Variants in CSRNP3 observed in about 807,000 individuals in gnomAD.
CSRNP3 encodes cysteine/serine-rich nuclear protein 3.
In CSRNP3, 12 loss-of-function variants were observed where a neutral mutation model predicts 48.0. The ratio of observed to expected loss-of-function variants is 0.25; its 90% CI spans 0.16 to 0.41. The LOEUF is 0.41. Ranked by LOEUF, CSRNP3 falls within the 10% of genes least tolerant of loss-of-function variation. The pLI, the probability that CSRNP3 is intolerant of heterozygous loss-of-function variation, is 1.00. For missense variants in CSRNP3, 580 were observed against 724.4 expected (o/e 0.80, Z 2.29); for synonymous variants, 263 against 269.7 (o/e 0.98, Z 0.24).
chr2:165,660,518 C>G (rs1481325328), intron 5 of CSRNP3, among the ~76,000 whole-genome samples: 1 of 152,100 alleles, frequency 6.6e-6, no homozygotes, highest in Non-Finnish European at 1.5e-5. Context: ...AGCTGGAGGA[C>G]TGACACGCTG....
chr2:165,621,034 G>A (rs1017619134), intron 4 of CSRNP3, among the ~76,000 whole-genome samples: 1 of 151,902 alleles, frequency 6.6e-6, no homozygotes, highest in Non-Finnish European at 1.5e-5. Flanking sequence ...CATCATATAG[G>A]TAACCTGGCC....
intron 5 of CSRNP3, among the ~76,000 whole-genome samples, chr2:165,668,435 G>A (rs920330772): frequency 4.2e-5 from 5 of 120,264 alleles, no homozygotes; most frequent in East Asian, 2.5e-4. Context: ...ACAGAGTCTC[G>A]CTGTCACCCA....
intron 3 of CSRNP3, among the ~76,000 whole-genome samples, chr2:165,559,490 A>T (rs1221439188): frequency 6.6e-6 from 1 of 152,170 alleles, no homozygotes; most frequent in African/African-American, 2.4e-5. Context: ...GATAAATGCT[A>T]GGAAACTGAT....
At chr2:165,670,820 A>G (rs556149927) in intron 5 of CSRNP3, among the ~76,000 whole-genome samples, 291 of 147,632 alleles carry the variant, frequency 2.0e-3, no homozygotes, top group African/African-American at 6.6e-3. Flanking sequence ...TTTAAGAGTC[A>G]AGGCTATTTG....
At chr2:165,585,942 C>G (rs1685619957) in intron 3 of CSRNP3, among the ~76,000 whole-genome samples, 2 of 152,118 alleles carry the variant, frequency 1.3e-5, no homozygotes, top group Admixed American at 1.3e-4. Flanking sequence ...TCCTATTGTT[C>G]CTGATAGAAT....
Position 165,525,674 on chromosome 2 carries a change from C to T in CSRNP3, c.-24+7713C>T, listed in dbSNP as rs573102607. Among the ~76,000 whole-genome samples, 25 of 151,270 alleles carry T rather than the reference C, an allele frequency of 1.7e-4. 1 individual carries two copies. The South Asian group carries it at 4.2e-3, about 25-fold the overall frequency. Reference sequence around the variant, plus strand: ...CTAATTTTTGTATTTTTAGTAGAGACGGGGTTTCATCATCTCGGCAAGGCT... The same window carrying T: ...CTAATTTTTGTATTTTTAGTAGAGATGGGGTTTCATCATCTCGGCAAGGCT... On this transcript the variant is annotated intron_variant, in intron 3 of 6. Coordinates refer to ENST00000651982, the MANE Select transcript of CSRNP3 (RefSeq NM_001172173.2).
chr2:165,518,111 A>G (rs948540662), intron 3 of CSRNP3, 150 bp downstream of exon 3: 1 of 152,300 alleles, frequency 6.6e-6, no homozygotes, highest in Non-Finnish European at 1.5e-5. Flanking sequence ...TAAAAAATCC[A>G]TTTATATCAG....
chr2:165,543,742 C>A (rs1474107481), intron 3 of CSRNP3, among the ~76,000 whole-genome samples: 1 of 151,936 alleles, frequency 6.6e-6, no homozygotes, highest in African/African-American at 2.4e-5. Flanking sequence ...GCATACAATG[C>A]ATAATAATAG....
chr2:165,543,372 A>G (rs184940709), intron 3 of CSRNP3, among the ~76,000 whole-genome samples: 3 of 152,324 alleles, frequency 2.0e-5, no homozygotes, highest in East Asian at 3.9e-4. Context: ...CAGAAACATA[A>G]AAGTTAAACA....
intron 4 of CSRNP3, among the ~76,000 whole-genome samples, chr2:165,625,913 C>A (rs1367731185): frequency 8.9e-5 from 11 of 123,258 alleles, no homozygotes; most frequent in African/African-American, 1.3e-4. Context: ...AACTCCATCT[C>A]AAAAAAAAAA....
intron 3 of CSRNP3, among the ~76,000 whole-genome samples, chr2:165,534,425 A>G (rs754439559): frequency 1.1e-4 from 16 of 151,988 alleles, no homozygotes; most frequent in Non-Finnish European, 1.9e-4. Context: ...ACTGGTGAAC[A>G]TGTAAATTCT....
intron 3 of CSRNP3, among the ~76,000 whole-genome samples, chr2:165,560,170 G>A (rs1311468051): frequency 2.0e-5 from 3 of 152,062 alleles, no homozygotes; most frequent in Non-Finnish European, 4.4e-5. Context: ...TTTCCTTAGG[G>A]AGCTCACAAT....
At chr2:165,544,181 A>G (rs906327054) in intron 3 of CSRNP3, among the ~76,000 whole-genome samples, 1 of 152,116 alleles carries the variant, frequency 6.6e-6, no homozygotes, top group Admixed American at 6.6e-5. Flanking sequence ...CTTTACTAAG[A>G]GAGGAAAAGA....
At position 165,635,878 on chromosome 2, in the gene CSRNP3, C is replaced by G. The variant is rs1014380105; in HGVS notation, c.149-21883C>G. On this transcript the variant is annotated intron_variant, in intron 4 of 6. Coordinates refer to ENST00000651982, the MANE Select transcript of CSRNP3 (RefSeq NM_001172173.2). ...CTTTCCCTCCATCTCTTTGGTGCTA[C>G]CCTTCCTTGCTCCATACCCATTTTT... Among the ~76,000 whole-genome samples the G allele has an allele frequency of 2.0e-5, 3 of 152,236 alleles. 1 individual carries two copies. Among genetic ancestry groups the G allele is most frequent in the South Asian group, 4.1e-4 (2 of 4,820 alleles).
At chr2:165,496,019 C>A (rs1048857546) in intron 2 of CSRNP3, among the ~76,000 whole-genome samples, 1 of 151,944 alleles carries the variant, frequency 6.6e-6, no homozygotes, top group African/African-American at 2.4e-5. Context: ...CACTAAAGTT[C>A]ATCCCATGTA....
At chr2:165,483,073 TATAA>T (rs1684069672) in intron 1 of CSRNP3, among the ~76,000 whole-genome samples, 2 of 149,934 alleles carry the variant, frequency 1.3e-5, no homozygotes, top group Non-Finnish European at 3.0e-5. Flanking sequence ...AAAATATAGA[TATAA>T]ATAAATAATG....
At chr2:165,608,934 C>CAAAAAAAAAAAAAAAAA (rs33952227) in intron 4 of CSRNP3, among the ~76,000 whole-genome samples, 1 of 75,590 alleles carries the variant, frequency 1.3e-5, no homozygotes, top group Non-Finnish European at 2.4e-5. Flanking sequence ...ACTAAAAATA[C>CAAAAAAAAAAAAAAAAA]AAAAAAAAAA....
intron 4 of CSRNP3, among the ~76,000 whole-genome samples, chr2:165,653,505 C>T (rs899683850): frequency 5.3e-5 from 8 of 152,150 alleles, no homozygotes; most frequent in Non-Finnish European, 8.8e-5. Context: ...CACTTCCAAA[C>T]TCTAGCTTTT....
At chr2:165,666,619 A>AGAAAGG (rs563056446) in intron 5 of CSRNP3, among the ~76,000 whole-genome samples, 1 of 90,620 alleles carries the variant, frequency 1.1e-5, no homozygotes, top group African/African-American at 3.7e-5. Flanking sequence ...AGAAAGAGAG[A>AGAAAGG]AAGGAAGGAA....
Sources: gnomAD v4.1 joint callset for allele counts (sites outside exome capture counted in the v4.1 genomes callset) on GRCh38, gnomAD v4.1.1 for gene constraint, MANE v1.5 for transcripts, NCBI Gene and HGNC (gene_info 2026-07-23, HGNC 2026-07-21) for gene names.